The following INO80 variants were observed in gnomAD, a reference collection of about 807,000 sequenced individuals.
INO80 encodes the protein chromatin-remodeling ATPase INO80.
INO80 carries 20 observed loss-of-function variants against 203.4 expected under a neutral mutation model. That is an observed-to-expected ratio of 0.10 (90% confidence interval 0.07 to 0.14). The LOEUF (loss-of-function observed/expected upper bound fraction) is 0.14. Among genes scored for constraint, INO80 ranks in the 10% least tolerant of loss-of-function variants. The probability of loss-of-function intolerance (pLI) is 1.00; values close to 1 mark genes in which losing one functional copy is unlikely to be tolerated. For synonymous variants in INO80, 726 were observed against 685.2 expected (o/e 1.06, Z -0.93); for missense variants, 1,419 against 1,914.4 (o/e 0.74, Z 4.83).
chr15:41,081,898 T>C (rs2045490211), intron 7 of INO80, among the ~76,000 whole-genome samples: 1 of 152,064 alleles, frequency 6.6e-6, no homozygotes, highest in African/African-American at 2.4e-5. Flanking sequence ...AAAAAACTCT[T>C]ACTAATTAAA....
At chr15:41,040,621 C>T (rs1239446444) in intron 24 of INO80, among the ~76,000 whole-genome samples, 2 of 152,114 alleles carry the variant, frequency 1.3e-5, no homozygotes, top group African/African-American at 4.8e-5. Context: ...GCCTAAGTCC[C>T]AGCACTTTGG....
In INO80 at chr15:41,079,756, T is replaced by C. The variant is rs1291215418; in HGVS notation, c.1076A>G (p.Lys359Arg). The change falls in exon 9 of 36, where the codon AAG (lysine) becomes AGG (arginine). Residue 359 changes from lysine (K) to arginine (R), a missense_variant. Physicochemically the swap from Lys to Arg is conservative, Grantham distance 26. Around this residue, in one of 9 missense-constraint regions of INO80, gnomAD observed 87 missense variants for 150.5 expected, o/e 0.58. Transcript: ENST00000648947. ...CTCCAAAGCTTCCTTCTCTGCTCTC[T>C]TGCGGTGCTCCTTCTCTACTTTCTC... is the stretch of plus-strand genomic sequence containing the variant. ...KYEKVEKEHR[K>R]RAEKEALEQR... 2 of 1,614,178 alleles carry C rather than the reference T, an allele frequency of 1.2e-6. No homozygotes were observed. Among genetic ancestry groups the C allele is most frequent in the Admixed American group, 3.3e-5 (2 of 60,004 alleles).
At chr15:40,990,128 C>T (rs928361973) in intron 29 of INO80, among the ~76,000 whole-genome samples, 1 of 151,842 alleles carries the variant, frequency 6.6e-6, no homozygotes, top group South Asian at 2.1e-4. Flanking sequence ...AAAAAAAATC[C>T]TATGTCTATC....
rs572939702 is a variant in INO80 at position 41,079,102 on chromosome 15, A to T, written c.1131+599T>A. On this transcript the variant is annotated intron_variant, in intron 9 of 35. Transcript: ENST00000648947. The stretch of plus-strand genomic sequence containing the variant: ...TGCAGAGCCGAGATTACGCCACTGC[A>T]CTCCAGCCTGGGCGACAAGAGTGAA... 2.2e-4 allele frequency among the ~76,000 whole-genome samples: 34 copies of T among 152,266 alleles called. 1 individual carries two copies. The South Asian group carries it at 2.3e-3, about 10-fold the overall frequency.
At chr15:41,082,525 T>A (rs2955812) in intron 7 of INO80, among the ~76,000 whole-genome samples, 17,949 of 151,792 alleles carry the variant, frequency 0.12, 3,163 homozygotes, top group African/African-American at 0.38. Context: ...ACATGGTGAA[T>A]CCCCGTCTCT....
chr15:40,985,779 C>A (rs981772343), intron 31 of INO80, among the ~76,000 whole-genome samples: 7 of 152,002 alleles, frequency 4.6e-5, no homozygotes, highest in Non-Finnish European at 8.8e-5. Flanking sequence ...CACAGTGGTA[C>A]GCGCCTGGGT....
chr15:41,062,574 C>T (rs1281547764), intron 14 of INO80, among the ~76,000 whole-genome samples: 1 of 152,132 alleles, frequency 6.6e-6, no homozygotes, highest in Non-Finnish European at 1.5e-5. Context: ...ATGACTAGTG[C>T]TATGGTTTGA....
rs531362163 is a variant in INO80, at chr15:41,114,623, T to C, written c.-44+1350A>G. 2.7e-5 allele frequency among the ~76,000 whole-genome samples: 4 copies of C among 149,688 alleles called. No individual in the cohort carries two copies. In the East Asian group the frequency reaches 7.9e-4, roughly 30 times the overall value. On this transcript the variant is annotated intron_variant, in intron 1 of 35. Coordinates refer to ENST00000648947, the MANE Select transcript of INO80 (RefSeq NM_017553.3). ...ACTGGGGAGGCTGAGGCACGAGAAG[T>C]GCTTGAACCTGGGAGGCGGAGGTCG...
chr15:41,045,237 C>T (rs886312528), intron 23 of INO80, among the ~76,000 whole-genome samples, 162 bp from the exon 24 acceptor site: 1 of 152,114 alleles, frequency 6.6e-6, no homozygotes, highest in African/African-American at 2.4e-5. Flanking sequence ...TACATTATTT[C>T]GCATTACATG....
At chr15:41,041,994 T>C (rs183958156) in intron 24 of INO80, among the ~76,000 whole-genome samples, 9 of 146,710 alleles carry the variant, frequency 6.1e-5, no homozygotes, top group East Asian at 4.0e-4. Context: ...ACCACCATGC[T>C]TGGCTAATTT....
chr15:41,056,805 T>G, intron 16 of INO80, 99 bp from the exon 17 acceptor site: 1 of 905,516 alleles, frequency 1.1e-6, no homozygotes, highest in Non-Finnish European at 1.8e-6. Flanking sequence ...TCCAAAAAAC[T>G]AACATTCAGA....
intron 14 of INO80, among the ~76,000 whole-genome samples, chr15:41,065,988 C>CTTTTTT (rs1175524125): frequency 7.9e-6 from 1 of 127,272 alleles, no homozygotes; most frequent in African/African-American, 2.9e-5. Flanking sequence ...CTACATTGTA[C>CTTTTTT]TTTTTTTTTT....
chr15:41,106,690 A>C (rs1243526614), intron 1 of INO80, among the ~76,000 whole-genome samples: 2 of 152,204 alleles, frequency 1.3e-5, no homozygotes, highest in Admixed American at 1.3e-4. Flanking sequence ...GTTTCTTTCA[A>C]CTCTCAGCTG....
Position 41,092,158 on chromosome 15 carries a change from T to A in INO80, c.406A>T (p.Ser136Cys). The change falls in exon 5 of 36, where the codon AGC (serine) becomes TGC (cysteine). Residue 136 changes from serine (S) to cysteine (C), a missense_variant. By Grantham distance (112) the Ser-to-Cys change is moderately radical (BLOSUM62 -1). Transcript: ENST00000648947. ...LKSILLSDES[S>C]EADSQSEDDD... ...TCTTCACTCTGAGAATCAGCCTCGC[T>A]GGATTCATCACTTAGCAGAATGCTC... The A allele has an allele frequency of 6.2e-7, 1 of 1,607,792 alleles. No homozygotes were observed. Among genetic ancestry groups the A allele is most frequent in the Non-Finnish European group, 8.5e-7 (1 of 1,174,886 alleles).
Position 40,980,177 on chromosome 15 carries a change from G to T in INO80, c.*46C>A, listed in dbSNP as rs1416168866. 9 of 1,496,624 alleles carry T rather than the reference G, an allele frequency of 6.0e-6. 1 individual carries two copies. In the South Asian group the frequency reaches 7.9e-5, roughly 13 times the overall value. 92.7% of individuals were successfully genotyped at this position (1,496,624 alleles called of 1,614,324 possible). A position where few individuals can be genotyped will look rare whatever the true frequency, so the allele number is the denominator to read the frequency against. ...CATCCAAAGACCACTGGCAGGTCAG[G>T]ACTCTAGCCCTGGTTTGGTTGAAGG... is the stretch of plus-strand genomic sequence containing the variant. On this transcript the variant is annotated 3_prime_UTR_variant, in exon 36 of 36. Coordinates refer to ENST00000648947, the MANE Select transcript of INO80 (RefSeq NM_017553.3).
chr15:41,083,153 C>T (rs1010304644), intron 7 of INO80, among the ~76,000 whole-genome samples: 15 of 150,992 alleles, frequency 9.9e-5, no homozygotes, highest in African/African-American at 3.4e-4. Context: ...GGTGTCGTGG[C>T]GGGTGCCTGT....
chr15:41,079,622 A>T (rs2045455657), intron 9 of INO80, 79 bp downstream of exon 9: 2 of 1,297,110 alleles, frequency 1.5e-6, no homozygotes, highest in Admixed American at 3.6e-5. Context: ...GGTTAGATGT[A>T]CAATTTTCAA....
chr15:41,095,073 T>C (rs1596324208), intron 4 of INO80, among the ~76,000 whole-genome samples: 1 of 150,208 alleles, frequency 6.7e-6, no homozygotes, highest in East Asian at 1.9e-4. Context: ...GTGCGGTGGC[T>C]CACGCCTATA....
chr15:41,110,623 G>GT (rs1449944361), intron 1 of INO80, among the ~76,000 whole-genome samples: 4 of 152,128 alleles, frequency 2.6e-5, no homozygotes, highest in Non-Finnish European at 5.9e-5. Context: ...TAGAGATGGG[G>GT]TTTTGGCATA....
Sources: gnomAD v4.1 joint callset for allele counts (sites outside exome capture counted in the v4.1 genomes callset) on GRCh38, gnomAD v4.1.1 for gene constraint, gnomAD v4.1.1 regional missense constraint, MANE v1.5 for transcripts, NCBI Gene and HGNC (gene_info 2026-07-23, HGNC 2026-07-21) for gene names.